The following BACH1 variants were observed in gnomAD, a reference collection of about 807,000 sequenced individuals.
BACH1 encodes the protein BTB domain and CNC homolog 1.
BACH1 carries 35 observed loss-of-function variants against 52.9 expected under a neutral mutation model. The ratio of observed to expected loss-of-function variants is 0.66; its 90% confidence interval spans 0.51 to 0.88. The LOEUF (loss-of-function observed/expected upper bound fraction) is 0.88, where lower values mean the gene tolerates loss of function less well. BACH1 is among the 40% of genes least tolerant of loss of function. The probability of loss-of-function intolerance (pLI) is 0.00; values close to 1 mark genes in which losing one functional copy is unlikely to be tolerated. For missense variants in BACH1, 808 were observed against 872.6 expected (o/e 0.93, Z 0.93); for synonymous variants, 321 against 319.6 (o/e 1.00, Z -0.05).
chr21:29,314,487 A>G (rs2088763825), intron 1 of BACH1, among the ~76,000 whole-genome samples: 1 of 152,214 alleles, frequency 6.6e-6, no homozygotes, highest in Admixed American at 6.5e-5. Flanking sequence ...CCATGACTTA[A>G]CTATATAGTT....
chr21:29,351,758 C>T (rs1293238563), intron 2 of BACH1: 1 of 534,584 alleles, frequency 1.9e-6, no homozygotes. Context: ...AATGTGGAAT[C>T]AAGGATGAAG....
At chr21:29,353,354 A>G (rs1001571263) in intron 2 of BACH1, among the ~76,000 whole-genome samples, 1 of 152,140 alleles carries the variant, frequency 6.6e-6, no homozygotes, top group Admixed American at 6.5e-5. Flanking sequence ...AGAAGGCCCC[A>G]TGACACAGCT....
chr21:29,335,510 G>A (rs554492103), intron 4 of BACH1, among the ~76,000 whole-genome samples: 2 of 152,292 alleles, frequency 1.3e-5, no homozygotes, highest in South Asian at 4.1e-4. Flanking sequence ...TCAAGTTCAA[G>A]TGTGTTCATT....
chr21:29,320,487 TA>T (rs1196632241), intron 1 of BACH1, among the ~76,000 whole-genome samples: 2 of 152,172 alleles, frequency 1.3e-5, no homozygotes, highest in African/African-American at 2.4e-5. Flanking sequence ...GTATGTATTT[TA>T]AAAAAATATA....
intron 1 of BACH1, among the ~76,000 whole-genome samples, chr21:29,302,171 A>C (rs985025945): frequency 6.6e-6 from 1 of 152,232 alleles, no homozygotes; most frequent in Non-Finnish European, 1.5e-5. Context: ...TGAGCATTCT[A>C]GACAGAGGGT....
At chr21:29,352,418 A>C (rs1034046831) in intron 2 of BACH1, among the ~76,000 whole-genome samples, 41 of 152,146 alleles carry the variant, frequency 2.7e-4, no homozygotes, top group African/African-American at 8.5e-4. Flanking sequence ...AAATTACTTA[A>C]TGTCTCTCAG....
chr21:29,346,353 T>C (rs1258157752), downstream of BACH1, among the ~76,000 whole-genome samples: 1 of 152,160 alleles, frequency 6.6e-6, no homozygotes, highest in Non-Finnish European at 1.5e-5. Context: ...TTACTTAATG[T>C]TAGTTTGGAT....
chr21:29,352,993 A>G (rs2089212260), intron 2 of BACH1, among the ~76,000 whole-genome samples: 1 of 152,036 alleles, frequency 6.6e-6, no homozygotes, highest in Non-Finnish European at 1.5e-5. Context: ...GATTACAGGC[A>G]TGAGCCACTG....
downstream of BACH1, among the ~76,000 whole-genome samples, chr21:29,346,617 G>A (rs539648797): frequency 1.3e-5 from 2 of 152,264 alleles, no homozygotes; most frequent in South Asian, 4.1e-4. Flanking sequence ...AATCTCGGGG[G>A]CAGGGTATAG....
At chr21:29,340,302 G>C (rs1424868551) in intron 4 of BACH1, among the ~76,000 whole-genome samples, 1 of 152,188 alleles carries the variant, frequency 6.6e-6, no homozygotes, top group Non-Finnish European at 1.5e-5. Context: ...TAAAGTGCAG[G>C]GGAACAGATG....
Position 29,317,469 on chromosome 21 carries a change from A to G in BACH1, c.-60-3752A>G, listed in dbSNP as rs184313577. The stretch of plus-strand genomic sequence containing the variant: ...GAGTAGAAGTCCAGATAGTGGCCAC[A>G]GTGTATGTGGAGGCCCTGAAATCAG... On this transcript the variant is annotated intron_variant, in intron 1 of 4. Transcript: ENST00000286800. Among the ~76,000 whole-genome samples the G allele has an allele frequency of 7.9e-5, 12 of 152,328 alleles. No homozygotes were observed. The East Asian group carries it at 2.3e-3, about 29-fold the overall frequency.
chr21:29,360,511 T>C (rs1342474344), intron 2 of BACH1, among the ~76,000 whole-genome samples: 9 of 152,068 alleles, frequency 5.9e-5, no homozygotes, highest in Admixed American at 5.9e-4. Context: ...GTTTGCCCCA[T>C]TGTCATCTTG....
At position 29,326,753 on chromosome 21, in the gene BACH1, C is replaced by T. The variant is rs369485706; in HGVS notation, c.929C>T (p.Pro310Leu). Reference protein sequence around the residue: ...PTEKSEVTPFPHNSSIDPHGL... With the variant: ...PTEKSEVTPFLHNSSIDPHGL... ...GAAAAATCAGAAGTGACTCCTTTCC[C>T]CCACAATTCTTCCATAGACCCTCAT... Residue 310 changes from proline to leucine, a missense_variant, in exon 3 of 5, where the codon CCC (proline) becomes CTC (leucine). Physicochemically the swap from Pro to Leu is moderately conservative, Grantham distance 98. Transcript: ENST00000286800. 5 of 1,613,892 alleles carry T rather than the reference C, an allele frequency of 3.1e-6. No homozygotes were observed. Among genetic ancestry groups the T allele is most frequent in the Non-Finnish European group, 4.2e-6 (5 of 1,180,052 alleles).
Position 29,344,287 on chromosome 21 carries a change from T to C in BACH1, c.*1454T>C. The C allele has an allele frequency of 6.5e-6, 1 of 152,802 alleles. No individual in the cohort carries two copies. Among genetic ancestry groups the C allele is most frequent in the East Asian group, 1.9e-4 (1 of 5,190 alleles). 9.5% of individuals were successfully genotyped at this position (152,802 alleles called of 1,614,324 possible). A position where few individuals can be genotyped will look rare whatever the true frequency, so the allele number is the denominator to read the frequency against. On this transcript the variant is annotated 3_prime_UTR_variant, in exon 5 of 5. Coordinates refer to ENST00000286800, the MANE Select transcript of BACH1 (RefSeq NM_001186.4). ...ATCAGAGGGCTGAAAGAGACACTTC[T>C]ATAGACTGCATCCTGAGCCTAGTGC... is the stretch of plus-strand genomic sequence containing the variant.
chr21:29,342,258 T>C, intron 4 of BACH1, 141 bp from the exon 5 acceptor site: 1 of 839,442 alleles, frequency 1.2e-6, no homozygotes, highest in South Asian at 1.9e-5. Context: ...TAGTATTTAA[T>C]GTATAATTGA....
intron 1 of BACH1, among the ~76,000 whole-genome samples, chr21:29,313,719 A>C (rs1184502013): frequency 6.6e-6 from 1 of 152,356 alleles, no homozygotes; most frequent in Admixed American, 6.5e-5. Context: ...GTAAGAGTAC[A>C]TAATATGTGA....
intron 1 of BACH1, among the ~76,000 whole-genome samples, chr21:29,307,407 TTGTGTG>T (rs139633407): frequency 4.0e-5 from 6 of 149,916 alleles, no homozygotes; most frequent in Non-Finnish European, 8.9e-5. Flanking sequence ...TCACTTACCT[TTGTGTG>T]TGTGTGTGTG....
chr21:29,327,858 G>A (rs1228232414), intron 3 of BACH1, among the ~76,000 whole-genome samples: 2 of 152,204 alleles, frequency 1.3e-5, no homozygotes, highest in African/African-American at 4.8e-5. Context: ...AATACCAAAA[G>A]AGAGAGATGA....
At chr21:29,359,861 G>A (rs1279178424) in intron 2 of BACH1, among the ~76,000 whole-genome samples, 1 of 152,134 alleles carries the variant, frequency 6.6e-6, no homozygotes, top group East Asian at 1.9e-4. Context: ...CAGGACAGAG[G>A]ACAGACAGAA....
Sources: gnomAD v4.1 joint callset for allele counts (sites outside exome capture counted in the v4.1 genomes callset) on GRCh38, gnomAD v4.1.1 for gene constraint, MANE v1.5 for transcripts, NCBI Gene and HGNC (gene_info 2026-07-23, HGNC 2026-07-21) for gene names.